Variants in SQSTM1 observed in about 807,000 individuals in gnomAD.
The protein encoded by SQSTM1 is sequestosome-1.
SQSTM1 carries 36 observed loss-of-function variants against 45.1 expected under a neutral mutation model. The ratio of observed to expected loss-of-function variants is 0.80; its 90% CI spans 0.61 to 1.05. The LOEUF is 1.05. Ranked by LOEUF, SQSTM1 falls within the 50% of genes least tolerant of loss-of-function variation. The pLI is 0.00. For synonymous variants in SQSTM1, 290 were observed against 244.3 expected (o/e 1.19, Z -1.74); for missense variants, 617 against 607.1 (o/e 1.02, Z -0.17).
chr5:179,821,286 G>A (rs906717917), intron 1 of SQSTM1, 145 bp downstream of exon 1: 28 of 860,450 alleles, frequency 3.3e-5, no homozygotes, highest in Non-Finnish European at 4.2e-5. Context: ...GCGGTGGCCT[G>A]CATGGGTCCC....
intron 5 of SQSTM1, among the ~76,000 whole-genome samples, chr5:179,828,384 T>G (rs1474373848): frequency 6.7e-6 from 1 of 149,032 alleles, no homozygotes; most frequent in Non-Finnish European, 1.5e-5. Context: ...TTTTTTTTTT[T>G]TTTTTTGAGA....
chr5:179,826,835 C>T (rs1758013253), intron 5 of SQSTM1, among the ~76,000 whole-genome samples: 1 of 151,982 alleles, frequency 6.6e-6, no homozygotes, highest in Non-Finnish European at 1.5e-5. Context: ...CCTGCCTCGG[C>T]CTCCCAAAGT....
upstream of SQSTM1, among the ~76,000 whole-genome samples, chr5:179,818,163 G>A (rs1018392122): frequency 6.6e-6 from 1 of 152,104 alleles, no homozygotes; most frequent in Non-Finnish European, 1.5e-5. Flanking sequence ...TGGACCAGAG[G>A]GAGAGCCAGG....
intron 5 of SQSTM1, among the ~76,000 whole-genome samples, chr5:179,830,571 C>G (rs927531509): frequency 1.3e-5 from 2 of 150,704 alleles, no homozygotes; most frequent in Admixed American, 1.3e-4. Context: ...TTTTCTTTCC[C>G]CACCCCCGAG....
At chr5:179,818,069 T>G (rs897134106), upstream of SQSTM1, among the ~76,000 whole-genome samples, 1 of 143,224 alleles carries the variant, frequency 7.0e-6, no homozygotes. Flanking sequence ...GGATTTTTCC[T>G]AGGGAGTGGT....
upstream of SQSTM1, chr5:179,820,727 G>T (rs1757740109): frequency 4.1e-6 from 2 of 483,750 alleles, no homozygotes. Flanking sequence ...AGGGGGCCGG[G>T]AGACCTGGAG....
chr5:179,820,972 C>A lies in SQSTM1; in HGVS notation c.36C>A (p.Gly12=), dbSNP rs770428754. The A allele has an allele frequency of 9.5e-6, 15 of 1,575,584 alleles. No individual in the cohort carries two copies. The South Asian group carries it at 1.6e-4, about 17-fold the overall frequency. ...TCACCGTGAAGGCCTACCTTCTGGG[C>A]AAGGAGGACGCGGCGCGCGAGATTC... is the stretch of plus-strand genomic sequence containing the variant. The part of the protein sequence containing the change: ...ASLTVKAYLL[G]KEDAAREIRR... The change falls in exon 1 of 8, where the codon GGC becomes GGA. Residue 12 remains glycine (G), a synonymous_variant. Coordinates refer to ENST00000389805, the MANE Select transcript of SQSTM1 (RefSeq NM_003900.5).
chr5:179,825,610 G>A lies in SQSTM1; in HGVS notation c.754+384G>A, dbSNP rs893619357. 3.9e-5 allele frequency among the ~76,000 whole-genome samples: 6 copies of A among 152,214 alleles called. No individual in the cohort carries two copies. In the South Asian group the frequency reaches 6.2e-4, roughly 16 times the overall value. ...CTTTTGAGGACCTGGGTAGTAGTTA[G>A]TTGACATGCTATTTATCTTTTCCTT... is the stretch of plus-strand genomic sequence containing the variant. On this transcript the variant is annotated intron_variant, in intron 5 of 7. Coordinates refer to ENST00000389805, the MANE Select transcript of SQSTM1 (RefSeq NM_003900.5).
intron 1 of SQSTM1, among the ~76,000 whole-genome samples, chr5:179,809,637 CT>C (rs1181470503): frequency 0.037 from 2,864 of 77,626 alleles, 9 homozygotes; most frequent in African/African-American, 0.058. Context: ...GCGCCTGGCC[CT>C]TTTTTTTTTT....
chr5:179,820,603 C>A (rs1757736441), upstream of SQSTM1: 1 of 262,442 alleles, frequency 3.8e-6, no homozygotes, highest in South Asian at 1.2e-4. Flanking sequence ...GCTGGACCCC[C>A]GCCAGTACCC....
chr5:179,832,844 G>A (rs1267548770), intron 5 of SQSTM1, among the ~76,000 whole-genome samples, 188 bp from the exon 6 acceptor site: 2 of 152,032 alleles, frequency 1.3e-5, no homozygotes, highest in African/African-American at 2.4e-5. Context: ...GTGTGATTGC[G>A]GGGTCGAGCT....
chr5:179,808,645 G>A (rs540629170), intron 1 of SQSTM1, among the ~76,000 whole-genome samples: 2 of 150,832 alleles, frequency 1.3e-5, no homozygotes, highest in South Asian at 2.1e-4. Context: ...GTGAAACCCC[G>A]TCTCTACTAA....
intron 1 of SQSTM1, among the ~76,000 whole-genome samples, chr5:179,810,758 C>T (rs1035706806): frequency 6.6e-6 from 1 of 152,218 alleles, no homozygotes; most frequent in Non-Finnish European, 1.5e-5. Context: ...CCTATTTCTC[C>T]ACATCCTCTC....
In SQSTM1 at chr5:179,821,107, G is replaced by C. The variant is rs773605598; in HGVS notation, c.171G>C (p.Ala57=). Residue 57 remains alanine (A), a synonymous_variant, in exon 1 of 8, where the codon GCG becomes GCC. Coordinates refer to ENST00000389805, the MANE Select transcript of SQSTM1 (RefSeq NM_003900.5). The part of the protein sequence containing the change: ...LLSRVAALFP[A]LRPGGFQAHY... ...GCCGGGTGGCCGCCCTGTTCCCCGCGCTGCGGCCTGGCGGCTTCCAGGCGC... is the reference window on the plus strand; with the variant it reads ...GCCGGGTGGCCGCCCTGTTCCCCGCCCTGCGGCCTGGCGGCTTCCAGGCGC... The C allele has an allele frequency of 1.1e-5, 15 of 1,407,352 alleles. No individual in the cohort carries two copies. In the African/African-American group the frequency reaches 2.2e-4, roughly 21 times the overall value. 87.2% of individuals were successfully genotyped at this position (1,407,352 alleles called of 1,614,324 possible).
Position 179,837,068 on chromosome 5 carries a change from C to A in SQSTM1, c.*475C>A. 1 of 742,448 alleles carries A rather than the reference C, an allele frequency of 1.3e-6. No individual in the cohort carries two copies. Among genetic ancestry groups the A allele is most frequent in the Non-Finnish European group, 2.3e-6 (1 of 434,956 alleles). 46.0% of individuals were successfully genotyped at this position (742,448 alleles called of 1,614,324 possible). A position where few individuals can be genotyped will look rare whatever the true frequency, so the allele number is the denominator to read the frequency against. ...GGAGGCCAGTGTTGTGGGCTTCCTG[C>A]TGGGACTGAGAAGGCTCACGAAGGG... On this transcript the variant is annotated 3_prime_UTR_variant, in exon 8 of 8. Coordinates refer to ENST00000389805, the MANE Select transcript of SQSTM1 (RefSeq NM_003900.5).
rs1758653650 is a variant in SQSTM1 at position 179,837,599 on chromosome 5, CCTT to C, written c.*1009_*1011del. On this transcript the variant is annotated 3_prime_UTR_variant, in exon 8 of 8. Coordinates refer to ENST00000389805, the MANE Select transcript of SQSTM1 (RefSeq NM_003900.5). Reference sequence around the variant, plus strand: ...GACAGCGGCAGTGGGCCTGCTGAGGCCTTCTCTTGAGGCCTGTGCTCTGGGGGT... The same window carrying C: ...GACAGCGGCAGTGGGCCTGCTGAGGCCTCTTGAGGCCTGTGCTCTGGGGGT... 1 of 1,614,054 alleles carries C rather than the reference CCTT, an allele frequency of 6.2e-7. No homozygotes were observed. Among genetic ancestry groups the C allele is most frequent in the Non-Finnish European group, 8.5e-7 (1 of 1,180,010 alleles).
At chr5:179,821,511 A>G in intron 1 of SQSTM1, 1 of 509,468 alleles carries the variant, frequency 2.0e-6, no homozygotes, top group Non-Finnish European at 3.8e-6. Context: ...CTGGGTGGTC[A>G]GGCGGGCACT....
In SQSTM1 at chr5:179,837,160, C is replaced by G. The variant is rs1001466762; in HGVS notation, c.*567C>G. 8.2e-6 allele frequency: 12 copies of G among 1,461,326 alleles called. No homozygotes were observed. The highest frequency in any genetic ancestry group is 1.4e-5 in the African/African-American group (1 of 71,528). The allele number at this position is 1,461,326 out of a possible 1,614,324, so 90.5% of individuals were successfully genotyped here. On this transcript the variant is annotated 3_prime_UTR_variant, in exon 8 of 8. Coordinates refer to ENST00000389805, the MANE Select transcript of SQSTM1 (RefSeq NM_003900.5). The stretch of plus-strand genomic sequence containing the variant: ...CTTCACCACTGTAGTTCTCTCATTT[C>G]CAAACCATCAGCTGCTTTTAAAATA...
intron 5 of SQSTM1, among the ~76,000 whole-genome samples, chr5:179,831,815 T>C (rs950895724): frequency 2.0e-5 from 3 of 151,862 alleles, no homozygotes; most frequent in Admixed American, 1.3e-4. Flanking sequence ...GATGGAGTCT[T>C]GCTCTGTCAC....
Sources: gnomAD v4.1 joint callset for allele counts (sites outside exome capture counted in the v4.1 genomes callset) on GRCh38, gnomAD v4.1.1 for gene constraint, MANE v1.5 for transcripts, NCBI Gene and HGNC (gene_info 2026-07-23, HGNC 2026-07-21) for gene names.